NAV2: variants seen among roughly 807,000 people sequenced by gnomAD.
NAV2 encodes the protein helicase, APC down-regulated 1.
NAV2 carries 54 observed loss-of-function variants against 223.2 expected under a neutral mutation model. That is an observed-to-expected ratio of 0.24 (90% confidence interval 0.19 to 0.30). The LOEUF is 0.30. Among genes scored for constraint, NAV2 ranks in the 10% least tolerant of loss-of-function variants. The pLI, the probability that NAV2 is intolerant of heterozygous loss-of-function variation, is 1.00. For synonymous variants in NAV2, 1,279 were observed against 1,239.3 expected, an observed-to-expected ratio of 1.03 and a Z score of -0.67; for missense variants, 2,806 against 3,147.5, an observed-to-expected ratio of 0.89 and a Z score of 2.60.
At chr11:19,798,027 C>G (rs2058031151) in intron 1 of NAV2, among the ~76,000 whole-genome samples, 2 of 152,106 alleles carry the variant, frequency 1.3e-5, no homozygotes, top group South Asian at 4.1e-4. Flanking sequence ...TCCTAGTGGC[C>G]ATGGTGTGAT....
intron 1 of NAV2, among the ~76,000 whole-genome samples, chr11:19,564,123 A>T (rs966735860): frequency 1.2e-4 from 18 of 152,224 alleles, no homozygotes; most frequent in Middle Eastern, 3.4e-3. Context: ...AGGGAAGATG[A>T]GCGGCTGTGA....
intron 11 of NAV2, among the ~76,000 whole-genome samples, chr11:20,008,159 G>A (rs1256248723): frequency 1.3e-5 from 2 of 152,128 alleles, no homozygotes; most frequent in Non-Finnish European, 2.9e-5. Context: ...CTGAGGTCAG[G>A]AGTTCAAGAC....
chr11:20,046,820 T>G (rs2057490654), intron 14 of NAV2, among the ~76,000 whole-genome samples: 1 of 152,200 alleles, frequency 6.6e-6, no homozygotes, highest in African/African-American at 2.4e-5. Flanking sequence ...CACTGGACCA[T>G]TCTCAAACTG....
At chr11:19,845,409 G>A (rs1382917139) in intron 3 of NAV2, among the ~76,000 whole-genome samples, 1 of 152,242 alleles carries the variant, frequency 6.6e-6, no homozygotes, top group South Asian at 2.1e-4. Flanking sequence ...ATGAGAACTT[G>A]GGAAGTGTAT....
intron 11 of NAV2, among the ~76,000 whole-genome samples, chr11:20,025,097 G>A (rs2054916541): frequency 1.3e-5 from 2 of 152,150 alleles, no homozygotes; most frequent in South Asian, 4.1e-4. Flanking sequence ...AGGCAGATCT[G>A]TATTCAAATC....
intron 1 of NAV2, among the ~76,000 whole-genome samples, chr11:19,622,405 G>A (rs895187255): frequency 6.6e-6 from 1 of 152,124 alleles, no homozygotes; most frequent in Admixed American, 6.5e-5. Flanking sequence ...CTCTTTGTAG[G>A]TCTCTAAGGA....
chr11:20,118,387 C>G lies in NAV2; in HGVS notation c.*129C>G, dbSNP rs999613095. 8.9e-7 allele frequency: 1 copy of G among 1,121,262 alleles called. No individual in the cohort carries two copies. The highest frequency in any genetic ancestry group is 1.6e-5 in the African/African-American group (1 of 64,194). The allele number at this position is 1,121,262 out of a possible 1,614,324, so 69.5% of individuals were successfully genotyped here. On this transcript the variant is annotated 3_prime_UTR_variant, in exon 38 of 38. Transcript: ENST00000349880. ...CCTTAGAGCTGCGGGAACACCGAGA[C>G]CCCCCGTCCTTCAGCCTCGACCTGG...
At chr11:20,092,886 G>A (rs571555853) in intron 28 of NAV2, among the ~76,000 whole-genome samples, 1 of 152,280 alleles carries the variant, frequency 6.6e-6, no homozygotes, top group South Asian at 2.1e-4. Flanking sequence ...CATCCGGCAA[G>A]GTGCATTGTC....
chr11:19,418,585 A>G (rs2702736), intron 1 of NAV2, among the ~76,000 whole-genome samples: 107,393 of 152,138 alleles, frequency 0.71, 37,975 homozygotes, highest in Admixed American at 0.73. Context: ...ATATGATGGT[A>G]GGAGAGCGTA....
Position 19,564,311 on chromosome 11 carries a change from C to T in NAV2, c.75+213284C>T, listed in dbSNP as rs138575632. Among the ~76,000 whole-genome samples the T allele has an allele frequency of 7.1e-3, 1,081 of 152,352 alleles. 15 individuals carry two copies. The highest frequency in any genetic ancestry group is 0.024 in the African/African-American group (1,011 of 41,570). On this transcript the variant is annotated intron_variant, in intron 1 of 37. Coordinates refer to the NAV2 transcript ENST00000360655. ...AGCGTTTCTTCTCGAATTTTCCCCC[C>T]ACTGTGGACAGGAATATCTGGTGAT...
intron 10 of NAV2, among the ~76,000 whole-genome samples, chr11:19,959,170 T>A (rs1320518464): frequency 3.9e-5 from 6 of 152,122 alleles, no homozygotes; most frequent in African/African-American, 1.4e-4. Flanking sequence ...TGCTCCCAGA[T>A]TGTCTCAGGC....
chr11:19,812,171 A>G (rs79268547), intron 1 of NAV2, among the ~76,000 whole-genome samples: 3,524 of 151,722 alleles, frequency 0.023, 141 homozygotes, highest in African/African-American at 0.08. Flanking sequence ...TTCTGATTCA[A>G]TAGGCCTGGA....
Position 20,056,014 on chromosome 11 carries a change from G to A in NAV2, c.4831+57G>A, listed in dbSNP as rs2058342753. 2.6e-6 allele frequency: 4 copies of A among 1,518,222 alleles called. No individual in the cohort carries two copies. The South Asian group carries it at 3.6e-5, about 14-fold the overall frequency. 94.0% of individuals were successfully genotyped at this position (1,518,222 alleles called of 1,614,324 possible). A position where few individuals can be genotyped will look rare whatever the true frequency, so the allele number is the denominator to read the frequency against. ...AAACTTCCATCTCCCAGGTTACTCA[G>A]TGTAGTTAAGGGTCCTCTATGCTAA... is the stretch of plus-strand genomic sequence containing the variant. On this transcript the variant is annotated intron_variant, in intron 19 of 37. Coordinates refer to ENST00000349880, the MANE Select transcript of NAV2 (RefSeq NM_145117.5).
At chr11:19,643,123 T>C (rs2047711698) in intron 1 of NAV2, among the ~76,000 whole-genome samples, 1 of 152,176 alleles carries the variant, frequency 6.6e-6, no homozygotes, top group African/African-American at 2.4e-5. Flanking sequence ...TACACAATTA[T>C]ATATATACAT....
chr11:19,964,642 T>A (rs189511775), intron 10 of NAV2, among the ~76,000 whole-genome samples: 1 of 151,164 alleles, frequency 6.6e-6, no homozygotes, highest in African/African-American at 2.4e-5. Context: ...ACTATAGGCA[T>A]GTACCACCAC....
chr11:19,960,338 T>G (rs2048248898), intron 10 of NAV2, among the ~76,000 whole-genome samples: 1 of 152,162 alleles, frequency 6.6e-6, no homozygotes, highest in Non-Finnish European at 1.5e-5. Context: ...GCATCCCTTC[T>G]GTGTGCTAGG....
At chr11:20,012,674 C>A (rs79199545) in intron 11 of NAV2, among the ~76,000 whole-genome samples, 8 of 128,224 alleles carry the variant, frequency 6.2e-5, no homozygotes, top group African/African-American at 1.2e-4. Flanking sequence ...GACTCCATCT[C>A]AAAAAAAAAA....
chr11:19,510,725 G>A (rs2043253058), intron 1 of NAV2, among the ~76,000 whole-genome samples: 1 of 150,176 alleles, frequency 6.7e-6, no homozygotes, highest in African/African-American at 2.4e-5. Flanking sequence ...CCAGCCCAGG[G>A]CTGATCATTT....
At chr11:19,389,716 C>A (rs1192560509) in intron 1 of NAV2, among the ~76,000 whole-genome samples, 3 of 152,240 alleles carry the variant, frequency 2.0e-5, no homozygotes, top group African/African-American at 7.2e-5. Context: ...GTTTATGGAA[C>A]TGTGAGTCTT....
Sources: gnomAD v4.1 joint callset for allele counts (sites outside exome capture counted in the v4.1 genomes callset) on GRCh38, gnomAD v4.1.1 for gene constraint, MANE v1.5 for transcripts, NCBI Gene and HGNC (gene_info 2026-07-23, HGNC 2026-07-21) for gene names.